Variants in ZNF727 observed in about 807,000 individuals in gnomAD.
ZNF727 encodes the protein zinc finger protein 727, also known as putative zinc finger protein 727.
Under a neutral mutation model 11.5 loss-of-function variants are expected in ZNF727, and 11 were observed. That is an observed-to-expected ratio of 0.95 (90% CI 0.60 to 1.58). ZNF727 has a LOEUF of 1.58. ZNF727 is among the 40% of genes most tolerant of loss of function. ZNF727 has a pLI of 0.00. For missense variants in ZNF727, 533 were observed against 581.7 expected (o/e 0.92, Z 0.86); for synonymous variants, 171 against 196.1 (o/e 0.87, Z 1.07).
In ZNF727 at chr7:64,047,831, G is replaced by A. The variant is rs572061667; in HGVS notation, c.3+2207G>A. Among the ~76,000 whole-genome samples the A allele has an allele frequency of 3.9e-3, 589 of 152,364 alleles. 2 individuals carry two copies. The highest frequency in any genetic ancestry group is 0.013 in the African/African-American group (550 of 41,588). On this transcript the variant is annotated intron_variant, in intron 1 of 3. Coordinates refer to ENST00000456806, the MANE Select transcript of ZNF727 (RefSeq NM_001159522.3). ...TCAGGTGCTGGTATTGAGGGAAAAA[G>A]GCACAAATGCATCTTGCCCTCTGGT...
intron 1 of ZNF727, 96 bp downstream of exon 1, chr7:64,045,720 C>G: frequency 6.7e-7 from 1 of 1,494,688 alleles, no homozygotes; most frequent in Non-Finnish European, 9.1e-7. Flanking sequence ...GCGGTCAGCT[C>G]TGCAGCAGCT....
chr7:64,081,000 G>A lies in ZNF727; in HGVS notation c.*2451G>A, dbSNP rs1785777984. 6.6e-6 allele frequency among the ~76,000 whole-genome samples: 1 copy of A among 151,844 alleles called. No homozygotes were observed. The highest frequency in any genetic ancestry group is 1.5e-5 in the Non-Finnish European group (1 of 67,982). ...TAGAGTCTGCATACTCTAACTCTGG[G>A]GGAGTTGTATTGAGCCCCAACTGTG... On this transcript the variant is annotated 3_prime_UTR_variant, in exon 4 of 4. Coordinates refer to ENST00000456806, the MANE Select transcript of ZNF727 (RefSeq NM_001159522.3).
chr7:64,050,941 A>G (rs1789589207), intron 1 of ZNF727, among the ~76,000 whole-genome samples: 2 of 152,156 alleles, frequency 1.3e-5, no homozygotes, highest in Non-Finnish European at 2.9e-5. Flanking sequence ...TTCTTTCTAA[A>G]ATTTACATCA....
chr7:64,061,187 A>C (rs1272487137), intron 1 of ZNF727, among the ~76,000 whole-genome samples: 1 of 152,114 alleles, frequency 6.6e-6, no homozygotes, highest in Non-Finnish European at 1.5e-5. Context: ...TATTAGGTCT[A>C]TTTGGTCCAT....
At position 64,076,896 on chromosome 7, in the gene ZNF727, G is replaced by T. The variant is rs144864574; in HGVS notation, c.227-380G>T. On this transcript the variant is annotated intron_variant, in intron 3 of 3. Coordinates refer to ENST00000456806, the MANE Select transcript of ZNF727 (RefSeq NM_001159522.3). Reference sequence around the variant, plus strand: ...TTAGTCTTTGGTAAGGTCTCAAAAAGCCAGAAACATGAACACATGTACCAC... The same window carrying T: ...TTAGTCTTTGGTAAGGTCTCAAAAATCCAGAAACATGAACACATGTACCAC... Among the ~76,000 whole-genome samples the T allele has an allele frequency of 6.8e-3, 1,040 of 152,272 alleles. 13 individuals are homozygous for T. The highest frequency in any genetic ancestry group is 0.036 in the South Asian group (173 of 4,816).
rs1316839289 is a variant in ZNF727 at position 64,080,189 on chromosome 7, A to C, written c.*1640A>C. Among the ~76,000 whole-genome samples, 4 of 151,992 alleles carry C rather than the reference A, an allele frequency of 2.6e-5. No individual in the cohort carries two copies. Among genetic ancestry groups the C allele is most frequent in the African/African-American group, 7.2e-5 (3 of 41,386 alleles). On this transcript the variant is annotated 3_prime_UTR_variant, in exon 4 of 4. Coordinates refer to ENST00000456806, the MANE Select transcript of ZNF727 (RefSeq NM_001159522.3). ...GGGTTCTCCACATTTCTTGCCTTTG[A>C]ATGTTGGCCTCTCTAGTTTGGGGAA...
chr7:64,064,042 T>C (rs920285678), intron 1 of ZNF727, among the ~76,000 whole-genome samples: 3 of 152,146 alleles, frequency 2.0e-5, no homozygotes, highest in African/African-American at 2.4e-5. Context: ...CTTCTCTGGC[T>C]CAGGGTGGTT....
chr7:64,080,088 T>G lies in ZNF727; in HGVS notation c.*1539T>G, dbSNP rs1031803724. Among the ~76,000 whole-genome samples, 1 of 152,112 alleles carries G rather than the reference T, an allele frequency of 6.6e-6. No individual in the cohort carries two copies. The highest frequency in any genetic ancestry group is 1.5e-5 in the Non-Finnish European group (1 of 68,018). The stretch of plus-strand genomic sequence containing the variant: ...CTCTCTAGCTGCCTTTAACATATTT[T>G]TTTCTCTCATTTTGACCTTGGAGAA... On this transcript the variant is annotated 3_prime_UTR_variant, in exon 4 of 4. Transcript: ENST00000456806.
rs1010678708 is a variant in ZNF727, at chr7:64,083,446, G to A, written c.*4897G>A. On this transcript the variant is annotated 3_prime_UTR_variant, in exon 4 of 4. Coordinates refer to ENST00000456806, the MANE Select transcript of ZNF727 (RefSeq NM_001159522.3). ...ATCACTGCTCAGCCCCCTGGATTTC[G>A]CCTCTTGCCTATGGGTATGTACAAG... 2.0e-5 allele frequency among the ~76,000 whole-genome samples: 3 copies of A among 152,172 alleles called. No individual in the cohort carries two copies. Among genetic ancestry groups the A allele is most frequent in the South Asian group, 2.1e-4 (1 of 4,832 alleles).
rs1584143897 is a variant in ZNF727 at position 64,056,621 on chromosome 7, G to A, written c.3+10997G>A. The stretch of plus-strand genomic sequence containing the variant: ...GAAAATTAAAATATTTATCAGTGTA[G>A]TTAACTGAGTAACAGTAATAAGAAT... On this transcript the variant is annotated intron_variant, in intron 1 of 3. Coordinates refer to ENST00000456806, the MANE Select transcript of ZNF727 (RefSeq NM_001159522.3). 3.4e-5 allele frequency among the ~76,000 whole-genome samples: 3 copies of A among 87,482 alleles called. 1 individual carries two copies. In the South Asian group the frequency reaches 9.7e-4, roughly 28 times the overall value. The allele number at this position is 87,482 out of a possible 152,430, so 57.4% of individuals were successfully genotyped here.
Position 64,071,883 on chromosome 7 carries a change from A to T in ZNF727, c.226+2274A>T, listed in dbSNP as rs1435536244. The stretch of plus-strand genomic sequence containing the variant: ...TGTTCTCTGTGGCTCAGTGTCAAAG[A>T]TGAGTTGATCTTACATGATTTGTTT... On this transcript the variant is annotated intron_variant, in intron 3 of 3. Transcript: ENST00000456806. 2.0e-5 allele frequency among the ~76,000 whole-genome samples: 3 copies of T among 152,152 alleles called. No individual in the cohort carries two copies. The East Asian group carries it at 5.8e-4, about 29-fold the overall frequency.
chr7:64,076,749 G>A (rs1345675383), intron 3 of ZNF727, among the ~76,000 whole-genome samples: 1 of 152,080 alleles, frequency 6.6e-6, no homozygotes, highest in Non-Finnish European at 1.5e-5. Context: ...TTACTTCTTT[G>A]ATCTTCTGCC....
At chr7:64,055,772 G>A (rs961592725) in intron 1 of ZNF727, among the ~76,000 whole-genome samples, 1 of 152,168 alleles carries the variant, frequency 6.6e-6, no homozygotes, top group Non-Finnish European at 1.5e-5. Context: ...GAAGACATGG[G>A]TTGCTTCCAG....
intron 3 of ZNF727, among the ~76,000 whole-genome samples, chr7:64,070,894 T>C (rs1413928097): frequency 6.6e-6 from 1 of 152,116 alleles, no homozygotes; most frequent in Non-Finnish European, 1.5e-5. Flanking sequence ...GTTTCTGTGA[T>C]GTTTCACTCG....
In ZNF727 at chr7:64,045,551, C is replaced by T; in HGVS notation, c.-71C>T. 7.1e-6 allele frequency: 11 copies of T among 1,547,402 alleles called. No homozygotes were observed. In the South Asian group the frequency reaches 9.5e-5, roughly 13 times the overall value. ...GCTCCTCGGTGACTCCACCATAGCC[C>T]CTGTTATCCTGTGACCTGCAGGTAC... On this transcript the variant is annotated 5_prime_UTR_variant, in exon 1 of 4. Transcript: ENST00000456806.
intron 1 of ZNF727, among the ~76,000 whole-genome samples, chr7:64,046,614 C>A (rs1386706011): frequency 6.6e-6 from 1 of 152,190 alleles, no homozygotes; most frequent in East Asian, 1.9e-4. Flanking sequence ...GGGTGGGGCC[C>A]CCCCAGAAGC....
At chr7:64,049,602 T>A (rs1238791818) in intron 1 of ZNF727, among the ~76,000 whole-genome samples, 1 of 151,896 alleles carries the variant, frequency 6.6e-6, no homozygotes, top group African/African-American at 2.4e-5. Flanking sequence ...TAGAAATATA[T>A]ATTTTATAAT....
In ZNF727 at chr7:64,078,153, C is replaced by G. The variant is rs1324794733; in HGVS notation, c.1104C>G (p.Tyr368Ter). Reference protein sequence around the residue: ...HKRIHMELRPYKCEECGKTFK... With the variant: ...HKRIHMELRP ...GAATTCATATGGAATTGAGACCTTA[C>G]AAATGTGAAGAATGTGGCAAAACCT... is the stretch of plus-strand genomic sequence containing the variant. Residue 368 changes from tyrosine to a stop codon, truncating the protein, a stop_gained, in exon 4 of 4, where the codon TAC (tyrosine) becomes TAG (stop). Transcript: ENST00000456806. LOFTEE classifies it low-confidence loss of function (END_TRUNC). 1 of 1,597,670 alleles carries G rather than the reference C, an allele frequency of 6.3e-7. No individual in the cohort carries two copies. Among genetic ancestry groups the G allele is most frequent in the East Asian group, 2.3e-5 (1 of 43,780 alleles).
Position 64,084,285 on chromosome 7 carries a change from T to G in ZNF727, c.*5736T>G, listed in dbSNP as rs186917698. On this transcript the variant is annotated 3_prime_UTR_variant, in exon 4 of 4. Transcript: ENST00000456806. ...GGAAATTGCTTTACCATTTGCAAAC[T>G]AAGGTAATTAAAATACAGTGAGTTT... 1.1e-3 allele frequency among the ~76,000 whole-genome samples: 164 copies of G among 152,342 alleles called. 1 individual carries two copies. The highest frequency in any genetic ancestry group is 3.9e-3 in the African/African-American group (162 of 41,588).
Sources: gnomAD v4.1 joint callset for allele counts (sites outside exome capture counted in the v4.1 genomes callset) on GRCh38, gnomAD v4.1.1 for gene constraint, MANE v1.5 for transcripts, NCBI Gene and HGNC (gene_info 2026-07-23, HGNC 2026-07-21) for gene names.